VPS13B: variants seen among roughly 807,000 people sequenced by gnomAD.
VPS13B encodes intermembrane lipid transfer protein VPS13B.
In VPS13B, 285 loss-of-function variants were observed where a neutral mutation model predicts 426.4. The ratio of observed to expected loss-of-function variants is 0.67; its 90% CI spans 0.61 to 0.74. VPS13B has a LOEUF of 0.74. VPS13B is among the 30% of genes least tolerant of loss of function. The pLI is 0.00. For missense variants in VPS13B, 4,537 were observed against 4,782.6 expected, an observed-to-expected ratio of 0.95 and a Z score of 1.51; for synonymous variants, 1,676 against 1,676.4, an observed-to-expected ratio of 1.00 and a Z score of 0.01.
intron 23 of VPS13B, among the ~76,000 whole-genome samples, chr8:99,455,780 A>G (rs1818422467): frequency 6.6e-6 from 1 of 152,182 alleles, no homozygotes; most frequent in South Asian, 2.1e-4. Flanking sequence ...GTGTTCTTCC[A>G]TGATGTAGCA....
chr8:99,200,562 ATTG>A (rs1396409694), intron 17 of VPS13B, among the ~76,000 whole-genome samples: 1 of 151,996 alleles, frequency 6.6e-6, no homozygotes, highest in East Asian at 1.9e-4. Context: ...TCCTCCTCAT[ATTG>A]TTATCTGTCT....
At chr8:99,652,114 A>T (rs574866881) in intron 34 of VPS13B, among the ~76,000 whole-genome samples, 5 of 152,254 alleles carry the variant, frequency 3.3e-5, no homozygotes, top group African/African-American at 1.2e-4. Flanking sequence ...ATATGGGACA[A>T]TTTCTGCATT....
At chr8:99,263,754 T>G (rs1302300216) in intron 17 of VPS13B, among the ~76,000 whole-genome samples, 9 of 152,184 alleles carry the variant, frequency 5.9e-5, no homozygotes, top group Admixed American at 5.9e-4. Context: ...GTCAGCTGAT[T>G]AGGAATCTGA....
At chr8:99,143,220 A>G (rs1381145151) in intron 13 of VPS13B, 55 bp downstream of exon 13, 6 of 1,607,496 alleles carry the variant, frequency 3.7e-6, no homozygotes, top group South Asian at 1.1e-5. Flanking sequence ...GAATAATTAT[A>G]TAATCCAATT....
At chr8:99,155,250 A>G (rs556348904) in intron 14 of VPS13B, among the ~76,000 whole-genome samples, 5 of 152,350 alleles carry the variant, frequency 3.3e-5, no homozygotes, top group African/African-American at 1.2e-4. Context: ...AAAGAAAGCC[A>G]CTTCATAATG....
chr8:99,661,219 C>T (rs1830210933), intron 34 of VPS13B, 135 bp from the exon 35 acceptor site: 3 of 1,122,976 alleles, frequency 2.7e-6, no homozygotes, highest in Non-Finnish European at 2.6e-6. Context: ...TGTATGTGCA[C>T]AAACAAATGA....
chr8:99,782,289 G>A (rs1012619276), intron 42 of VPS13B, among the ~76,000 whole-genome samples: 13 of 151,596 alleles, frequency 8.6e-5, no homozygotes, highest in African/African-American at 2.2e-4. Flanking sequence ...AGTATTTATC[G>A]GCTAGGCATT....
chr8:99,056,448 A>G (rs1404425349), intron 3 of VPS13B, among the ~76,000 whole-genome samples: 1 of 152,148 alleles, frequency 6.6e-6, no homozygotes, highest in Non-Finnish European at 1.5e-5. Flanking sequence ...TTTTCTATAT[A>G]TAGAGTCATG....
intron 30 of VPS13B, among the ~76,000 whole-genome samples, chr8:99,530,187 A>T (rs1822857217): frequency 6.6e-6 from 1 of 152,088 alleles, no homozygotes; most frequent in Non-Finnish European, 1.5e-5. Context: ...CTATTTTTTA[A>T]TATCTTACTT....
At chr8:99,861,491 A>G (rs912628182) in intron 57 of VPS13B, among the ~76,000 whole-genome samples, 1 of 152,224 alleles carries the variant, frequency 6.6e-6, no homozygotes, top group African/African-American at 2.4e-5. Flanking sequence ...TCATAGAGAC[A>G]GGGTTTTGCC....
At chr8:99,574,474 C>T (rs1009481058) in intron 31 of VPS13B, among the ~76,000 whole-genome samples, 2 of 152,246 alleles carry the variant, frequency 1.3e-5, no homozygotes, top group South Asian at 2.1e-4. Context: ...AGAAATGTCC[C>T]ATCAATACCT....
At chr8:99,526,635 C>T (rs1458739467) in intron 30 of VPS13B, among the ~76,000 whole-genome samples, 2 of 152,050 alleles carry the variant, frequency 1.3e-5, no homozygotes, top group Non-Finnish European at 2.9e-5. Flanking sequence ...GAAGGAAAAC[C>T]GTAGGAAGAT....
intron 19 of VPS13B, among the ~76,000 whole-genome samples, chr8:99,325,089 T>C (rs1810171044): frequency 6.6e-6 from 1 of 152,164 alleles, no homozygotes; most frequent in Non-Finnish European, 1.5e-5. Flanking sequence ...ATACAATTAG[T>C]TAAAAGGTCT....
At chr8:99,413,129 A>T (rs1815786651) in intron 21 of VPS13B, among the ~76,000 whole-genome samples, 1 of 152,180 alleles carries the variant, frequency 6.6e-6, no homozygotes, top group South Asian at 2.1e-4. Context: ...TTTCAGAAGG[A>T]ATAGTACCAG....
chr8:99,441,749 C>T (rs1386752893), intron 22 of VPS13B, among the ~76,000 whole-genome samples: 4 of 152,028 alleles, frequency 2.6e-5, no homozygotes, highest in East Asian at 1.9e-4. Flanking sequence ...CATGAAATTA[C>T]AATTTAGGTA....
intron 21 of VPS13B, among the ~76,000 whole-genome samples, chr8:99,408,713 C>A (rs1815463102): frequency 6.6e-6 from 1 of 152,126 alleles, no homozygotes; most frequent in Non-Finnish European, 1.5e-5. Context: ...TACTTAAAGC[C>A]ATGACATTGA....
intron 17 of VPS13B, among the ~76,000 whole-genome samples, chr8:99,225,794 G>A (rs367990701): frequency 1.3e-5 from 2 of 152,192 alleles, no homozygotes; most frequent in African/African-American, 4.8e-5. Context: ...CTGTCTCAGT[G>A]ATCTTTCTAA....
At chr8:99,122,013 A>G (rs1253417111) in intron 8 of VPS13B, among the ~76,000 whole-genome samples, 1 of 149,832 alleles carries the variant, frequency 6.7e-6, no homozygotes, top group East Asian at 1.9e-4. Context: ...CACTGTGCCC[A>G]GCTAATTTTT....
intron 33 of VPS13B, among the ~76,000 whole-genome samples, chr8:99,632,934 G>T (rs962740592): frequency 2.0e-5 from 3 of 151,892 alleles, no homozygotes; most frequent in Non-Finnish European, 4.4e-5. Flanking sequence ...ACTTTGAAGA[G>T]AATCTAGCAT....
Sources: allele counts gnomAD v4.1 joint callset (sites outside exome capture counted in the v4.1 genomes callset), GRCh38; gene constraint gnomAD v4.1.1; transcripts MANE v1.5; gene names NCBI Gene and HGNC (gene_info 2026-07-23, HGNC 2026-07-21).